GRIK5: variants seen among roughly 807,000 people sequenced by gnomAD.
The protein encoded by GRIK5 is glutamate ionotropic receptor kainate type subunit 5.
In GRIK5, 43 loss-of-function variants were observed where a neutral mutation model predicts 97.4. The ratio of observed to expected loss-of-function variants is 0.44; its 90% CI spans 0.35 to 0.57. The LOEUF is 0.57. Ranked by LOEUF, GRIK5 falls within the 20% of genes least tolerant of loss-of-function variation. The pLI is 0.01. For synonymous variants in GRIK5, 580 were observed against 583.5 expected (o/e 0.99, Z 0.09); for missense variants, 1,015 against 1,382.0 (o/e 0.73, Z 4.21).
chr19:42,066,961 G>A (rs373922864), intron 1 of GRIK5, among the ~76,000 whole-genome samples: 2 of 152,286 alleles, frequency 1.3e-5, no homozygotes, highest in African/African-American at 4.8e-5. Flanking sequence ...AGTAAAGGGG[G>A]AGATGGTGCA....
At position 42,006,848 on chromosome 19, in the gene GRIK5, C is replaced by T. The variant is rs577034263; in HGVS notation, c.1872-38G>A. 2.0e-6 allele frequency: 3 copies of T among 1,502,338 alleles called. No homozygotes were observed. Among genetic ancestry groups the T allele is most frequent in the African/African-American group, 2.8e-5 (2 of 72,536 alleles). 93.1% of individuals were successfully genotyped at this position (1,502,338 alleles called of 1,614,324 possible). ...AGGGGTGAGTCACGGGCTGGAGTCA[C>T]CCCTGCTGACCTGCCCCCGTGGCCA... On this transcript the variant is annotated intron_variant, in intron 15 of 19. Coordinates refer to ENST00000593562, the MANE Select transcript of GRIK5 (RefSeq NM_002088.5). The surrounding 1 kb of genome is among the most constrained non-coding windows in gnomAD (Gnocchi z 5.3).
At chr19:42,007,706 T>C (rs553144664) in intron 15 of GRIK5, among the ~76,000 whole-genome samples, 2 of 152,184 alleles carry the variant, frequency 1.3e-5, no homozygotes, top group Admixed American at 6.5e-5. Context: ...TGAAACTCTG[T>C]GGGGCTGGAC....
rs557315821 is a variant in GRIK5, at chr19:42,056,974, G to A, written c.692C>T (p.Ser231Leu). 50 of 1,554,688 alleles carry A rather than the reference G, an allele frequency of 3.2e-5. No homozygotes were observed. In the East Asian group the frequency reaches 4.1e-4, roughly 13 times the overall value. The change falls in exon 7 of 20, where the codon TCG (serine) becomes TTG (leucine). Residue 231 changes from serine to leucine, a missense_variant. By Grantham distance (145) the Ser-to-Leu change is moderately radical (BLOSUM62 -2). This residue lies in a region of GRIK5 where 477 missense variants were observed against 701.1 expected (regional missense o/e 0.68). Coordinates refer to ENST00000593562, the MANE Select transcript of GRIK5 (RefSeq NM_002088.5). ...SISHLILRKA[S>L]ELGMTSAFYK... ...AAACGCTGAGGTCATTCCCAGTTCC[G>A]AGGCCTGGAAAACACAGGAGGCAAA...
intron 12 of GRIK5, among the ~76,000 whole-genome samples, chr19:42,027,214 T>C (rs1436441428): frequency 6.6e-6 from 1 of 152,170 alleles, no homozygotes; most frequent in African/African-American, 2.4e-5. Flanking sequence ...TGACAAGTGC[T>C]GTGATGAAAA....
At position 42,003,531 on chromosome 19, in the gene GRIK5, G is replaced by C; in HGVS notation, c.2392+24C>G. ...GGGGCTGGGAGGGGGCTATGGGAAGGGGACACCATACGCGGGAACTGACCT... is the reference window on the plus strand; with the variant it reads ...GGGGCTGGGAGGGGGCTATGGGAAGCGGACACCATACGCGGGAACTGACCT... On this transcript the variant is annotated intron_variant, in intron 18 of 19. Transcript: ENST00000593562. The surrounding 1 kb of genome is among the most constrained non-coding windows in gnomAD (Gnocchi z 4.2). 6.2e-7 allele frequency: 1 copy of C among 1,606,530 alleles called. No individual in the cohort carries two copies. Among genetic ancestry groups the C allele is most frequent in the African/African-American group, 1.3e-5 (1 of 74,928 alleles).
At position 42,042,612 on chromosome 19, in the gene GRIK5, C is replaced by T. The variant is rs150437253; in HGVS notation, c.1413G>A (p.Leu471=). The T allele has an allele frequency of 1.2e-6, 2 of 1,612,900 alleles. No individual in the cohort carries two copies. Among genetic ancestry groups the T allele is most frequent in the African/African-American group, 2.7e-5 (2 of 74,950 alleles). The change falls in exon 12 of 20, where the codon CTG becomes CTA. Residue 471 remains leucine (L), a synonymous_variant. Coordinates refer to ENST00000593562, the MANE Select transcript of GRIK5 (RefSeq NM_002088.5). The surrounding 1 kb of genome is among the most constrained non-coding windows in gnomAD (Gnocchi z 6.9). ...RYRLRLVEDG[L]YGAPEPNGSW... Reference sequence around the variant, plus strand: ...AGCCGTTGGGCTCGGGCGCCCCGTACAGCCCATCCTCCACCAACCGCAGGC... The same window carrying T: ...AGCCGTTGGGCTCGGGCGCCCCGTATAGCCCATCCTCCACCAACCGCAGGC...
intron 15 of GRIK5, among the ~76,000 whole-genome samples, chr19:42,019,308 T>G (rs901969306): frequency 6.6e-6 from 1 of 152,124 alleles, no homozygotes; most frequent in African/African-American, 2.4e-5. Flanking sequence ...CATGGACGAC[T>G]CTGTTTCTGC....
intron 12 of GRIK5, among the ~76,000 whole-genome samples, chr19:42,040,780 G>A (rs570447327): frequency 1.3e-5 from 2 of 152,266 alleles, no homozygotes; most frequent in East Asian, 3.9e-4. Flanking sequence ...CTTGAACCCG[G>A]GAGGTGGAGG....
chr19:42,057,200 A>ACTG (rs1456695955), intron 6 of GRIK5, among the ~76,000 whole-genome samples: 2 of 152,070 alleles, frequency 1.3e-5, no homozygotes, highest in African/African-American at 4.8e-5. Context: ...CGCCATGCTG[A>ACTG]CTGCTGTCCC....
At chr19:42,054,225 C>G (rs780990693) in intron 9 of GRIK5, 95 bp downstream of exon 9, 1 of 1,335,266 alleles carries the variant, frequency 7.5e-7, no homozygotes, top group Admixed American at 1.8e-5. Context: ...GTGGGAAGAG[C>G]AGGGAGGGCA....
At position 42,003,381 on chromosome 19, in the gene GRIK5, G is replaced by T; in HGVS notation, c.2465C>A (p.Ala822Glu). Residue 822 changes from alanine (A) to glutamate (E), a missense_variant, in exon 19 of 20, where the codon GCG becomes GAG. Ala to Glu is a moderately radical substitution (Grantham distance 107, BLOSUM62 -1). Around this residue, in one of 5 missense-constraint regions of GRIK5, gnomAD observed 229 missense variants for 341.0 expected, o/e 0.67. Coordinates refer to ENST00000593562, the MANE Select transcript of GRIK5 (RefSeq NM_002088.5). This position sits in a 1 kb window ranked among gnomAD's most constrained non-coding sequence, Gnocchi z 4.2. Reference sequence around the variant, plus strand: ...TGTGGACCATATGAATTCCATGACCGCCACGAAGACAGCAATGATGAGGCC... The same window carrying T: ...TGTGGACCATATGAATTCCATGACCTCCACGAAGACAGCAATGATGAGGCC... ...ICGLIIAVFVAVMEFIWSTRR... is the reference protein window; with the variant it reads ...ICGLIIAVFVEVMEFIWSTRR... The T allele has an allele frequency of 6.2e-7, 1 of 1,611,992 alleles. No homozygotes were observed. Among genetic ancestry groups the T allele is most frequent in the Non-Finnish European group, 8.5e-7 (1 of 1,179,020 alleles).
At position 42,003,433 on chromosome 19, in the gene GRIK5, C is replaced by G. The variant is rs1243109371; in HGVS notation, c.2413G>C (p.Gly805Arg). ...RAKGLGMENI[G>R]GIFIVLICGL... is the part of the protein sequence containing the mutation. ...CAGATGAGCACGATAAAAATGCCAC[C>G]AATGTTCTCCATGCCCAAACCTGGA... Residue 805 changes from glycine (G) to arginine (R), a missense_variant, in exon 19 of 20, where the codon GGT becomes CGT. Gly to Arg is a moderately radical substitution (Grantham distance 125). Around this residue, in one of 5 missense-constraint regions of GRIK5, gnomAD observed 229 missense variants for 341.0 expected, o/e 0.67. Transcript: ENST00000593562. This position sits in a 1 kb window ranked among gnomAD's most constrained non-coding sequence, Gnocchi z 4.2. 1 of 1,613,804 alleles carries G rather than the reference C, an allele frequency of 6.2e-7. No homozygotes were observed. Among genetic ancestry groups the G allele is most frequent in the Non-Finnish European group, 8.5e-7 (1 of 1,179,906 alleles).
intron 17 of GRIK5, among the ~76,000 whole-genome samples, chr19:42,005,035 A>T (rs1477840400): frequency 6.6e-6 from 1 of 152,144 alleles, no homozygotes; most frequent in African/African-American, 2.4e-5. Context: ...GCAATTTGCT[A>T]TGCAGTAATA....
At chr19:42,043,768 A>G (rs1322651018) in intron 11 of GRIK5, among the ~76,000 whole-genome samples, 1 of 152,070 alleles carries the variant, frequency 6.6e-6, no homozygotes, top group African/African-American at 2.4e-5. Flanking sequence ...CTGGTTATAA[A>G]TGTTAGCAAC....
rs2076270172 is a variant in GRIK5, at chr19:42,062,374, C to A, written c.508+114G>T. The A allele has an allele frequency of 5.9e-6, 6 of 1,010,466 alleles. No homozygotes were observed. Among genetic ancestry groups the A allele is most frequent in the African/African-American group, 4.8e-5 (3 of 61,878 alleles). 62.6% of individuals were successfully genotyped at this position (1,010,466 alleles called of 1,614,324 possible). A position where few individuals can be genotyped will look rare whatever the true frequency, so the allele number is the denominator to read the frequency against. On this transcript the variant is annotated intron_variant, in intron 5 of 19. Coordinates refer to ENST00000593562, the MANE Select transcript of GRIK5 (RefSeq NM_002088.5). The surrounding 1 kb of genome is among the most constrained non-coding windows in gnomAD (Gnocchi z 5.3). ...CTGAAGATGGGAGAAGAGCCTGGTGCCTGGGTGCCCCAGGGTTCTAACTAG... is the reference window on the plus strand; with the variant it reads ...CTGAAGATGGGAGAAGAGCCTGGTGACTGGGTGCCCCAGGGTTCTAACTAG...
intron 11 of GRIK5, among the ~76,000 whole-genome samples, chr19:42,043,399 ATTTTTTT>A (rs984583211): frequency 0.023 from 2,736 of 121,292 alleles, 94 homozygotes; most frequent in African/African-American, 0.08. Flanking sequence ...AGATGGTGCA[ATTTTTTT>A]TTTTTTTTTT....
At chr19:42,059,818 A>G (rs543881978) in intron 5 of GRIK5, among the ~76,000 whole-genome samples, 35 of 152,054 alleles carry the variant, frequency 2.3e-4, no homozygotes, top group Non-Finnish European at 4.6e-4. Context: ...CTCCTTGCTC[A>G]ACCACCACGG....
Position 42,021,575 on chromosome 19 carries a change from G to C in GRIK5, c.1698-101C>G. 1 of 1,004,250 alleles carries C rather than the reference G, an allele frequency of 1.0e-6. No individual in the cohort carries two copies. The highest frequency in any genetic ancestry group is 1.4e-6 in the Non-Finnish European group (1 of 702,766). The allele number at this position is 1,004,250 out of a possible 1,614,324, so 62.2% of individuals were successfully genotyped here. A position where few individuals can be genotyped will look rare whatever the true frequency, so the allele number is the denominator to read the frequency against. On this transcript the variant is annotated intron_variant, in intron 14 of 19. Coordinates refer to ENST00000593562, the MANE Select transcript of GRIK5 (RefSeq NM_002088.5). The surrounding 1 kb of genome is among the most constrained non-coding windows in gnomAD (Gnocchi z 4.2). ...TCACAGTGATCAGAAGAAAGGGGGA[G>C]AGATGGAAAAAGGAGCAAGATGGAC...
chr19:42,012,779 AT>A (rs551870438), intron 15 of GRIK5, among the ~76,000 whole-genome samples: 174 of 151,686 alleles, frequency 1.1e-3, no homozygotes, highest in African/African-American at 4.0e-3. Flanking sequence ...AGGTGGGAGG[AT>A]TCCTTAAGCC....
Sources: gnomAD v4.1 joint callset for allele counts (sites outside exome capture counted in the v4.1 genomes callset) on GRCh38, gnomAD v4.1.1 for gene constraint, gnomAD v4.1.1 regional missense constraint, Gnocchi (gnomAD v3.1) non-coding constraint, MANE v1.5 for transcripts, NCBI Gene and HGNC (gene_info 2026-07-23, HGNC 2026-07-21) for gene names.